TBCEL: variants seen among roughly 807,000 people sequenced by gnomAD.
TBCEL encodes tubulin-specific chaperone cofactor E-like protein.
Under a neutral mutation model 44.2 loss-of-function variants are expected in TBCEL, and 15 were observed. The observed-to-expected ratio is 0.34, with a 90% CI of 0.23 to 0.52. The LOEUF (loss-of-function observed/expected upper bound fraction) is 0.52, where lower values mean the gene tolerates loss of function less well. TBCEL is among the 20% of genes least tolerant of loss of function. TBCEL has a pLI of 0.95. For synonymous variants in TBCEL, 171 were observed against 185.4 expected, an observed-to-expected ratio of 0.92 and a Z score of 0.63; for missense variants, 319 against 506.3, an observed-to-expected ratio of 0.63 and a Z score of 3.55.
chr11:121,046,384 G>A (rs1245445141), intron 3 of TBCEL, among the ~76,000 whole-genome samples: 1 of 152,036 alleles, frequency 6.6e-6, no homozygotes, highest in Non-Finnish European at 1.5e-5. Context: ...AAGTGTGCAA[G>A]GTATATTTTT....
intron 4 of TBCEL, among the ~76,000 whole-genome samples, chr11:121,052,982 T>C (rs1173919016): frequency 6.6e-6 from 1 of 151,832 alleles, no homozygotes; most frequent in Admixed American, 6.6e-5. Context: ...TTTCGTTATA[T>C]AGTTACGGAT....
At chr11:121,079,860 G>T (rs148754201) in intron 8 of TBCEL, among the ~76,000 whole-genome samples, 1 of 152,230 alleles carries the variant, frequency 6.6e-6, no homozygotes, top group East Asian at 1.9e-4. Flanking sequence ...TGTCACCCAG[G>T]CTGGAGTGCA....
rs1215733983 is a variant in TBCEL, at chr11:121,089,644, AAAAG to A, written c.*2551_*2554del. ...CCAAAATTATTTTTATAACAGAACT[AAAAG>A]AAGGAGAGAAGAGGCCATGGACCTT... is the stretch of plus-strand genomic sequence containing the variant. On this transcript the variant is annotated 3_prime_UTR_variant, in exon 9 of 9. Transcript: ENST00000683345. 2.0e-5 allele frequency: 3 copies of A among 152,188 alleles called. No homozygotes were observed. The highest frequency in any genetic ancestry group is 4.4e-5 in the Non-Finnish European group (3 of 68,024). 9.4% of individuals were successfully genotyped at this position (152,188 alleles called of 1,614,324 possible). A position where few individuals can be genotyped will look rare whatever the true frequency, so the allele number is the denominator to read the frequency against.
Position 121,085,589 on chromosome 11 carries a change from C to T in TBCEL, c.957-1189C>T, listed in dbSNP as rs548059734. The stretch of plus-strand genomic sequence containing the variant: ...TAAAATGGAGTCAAGACCCTGAAGA[C>T]AGAGCCAGGGCTATTTTTACATATT... On this transcript the variant is annotated intron_variant, in intron 8 of 8. Transcript: ENST00000683345. Among the ~76,000 whole-genome samples, 15 of 152,332 alleles carry T rather than the reference C, an allele frequency of 9.8e-5. No homozygotes were observed. In the South Asian group the frequency reaches 2.9e-3, roughly 29 times the overall value.
At chr11:121,042,425 G>A (rs1444021524) in intron 2 of TBCEL, among the ~76,000 whole-genome samples, 3 of 152,186 alleles carry the variant, frequency 2.0e-5, no homozygotes, top group Admixed American at 6.5e-5. Flanking sequence ...CTGAAGTTCC[G>A]AAAGCCCTAG....
chr11:121,036,829 A>G (rs958010643), intron 2 of TBCEL, among the ~76,000 whole-genome samples: 2 of 152,346 alleles, frequency 1.3e-5, no homozygotes, highest in Middle Eastern at 3.4e-3. Context: ...AGTGCCTTAT[A>G]TGCAACGTAG....
chr11:121,053,246 G>A (rs1244611338), intron 4 of TBCEL, among the ~76,000 whole-genome samples: 1 of 151,868 alleles, frequency 6.6e-6, no homozygotes, highest in Non-Finnish European at 1.5e-5. Flanking sequence ...ACTTATCAAA[G>A]AGAACGTCAC....
chr11:121,059,177 T>C (rs1419509780), intron 7 of TBCEL, among the ~76,000 whole-genome samples: 2 of 152,006 alleles, frequency 1.3e-5, no homozygotes, highest in African/African-American at 4.8e-5. Context: ...AACAGGTTGT[T>C]GATCTTTGTG....
At chr11:121,033,554 G>A (rs1945179444) in intron 1 of TBCEL, among the ~76,000 whole-genome samples, 1 of 152,170 alleles carries the variant, frequency 6.6e-6, no homozygotes, top group Non-Finnish European at 1.5e-5. Flanking sequence ...GATAAGTGCT[G>A]AGAGTAGGAA....
At chr11:121,068,230 CT>C (rs1945857003) in intron 8 of TBCEL, among the ~76,000 whole-genome samples, 1 of 152,140 alleles carries the variant, frequency 6.6e-6, no homozygotes, top group African/African-American at 2.4e-5. Context: ...GATACCCTCC[CT>C]TTTCCCTTAC....
Position 121,035,899 on chromosome 11 carries a change from G to A in TBCEL, c.-125-606G>A, listed in dbSNP as rs374178213. The A allele has an allele frequency of 4.6e-5, 7 of 152,170 alleles. No individual in the cohort carries two copies. The East Asian group carries it at 7.7e-4, about 17-fold the overall frequency. 9.4% of individuals were successfully genotyped at this position (152,170 alleles called of 1,614,324 possible). On this transcript the variant is annotated intron_variant, in intron 1 of 8. Coordinates refer to ENST00000683345, the MANE Select transcript of TBCEL (RefSeq NM_001363644.2). Reference sequence around the variant, plus strand: ...AGTTTTTTGGTTCAGTTACTTTGATGTGGTTACAAGAGGAATTTTGGCTGT... The same window carrying A: ...AGTTTTTTGGTTCAGTTACTTTGATATGGTTACAAGAGGAATTTTGGCTGT...
intron 4 of TBCEL, among the ~76,000 whole-genome samples, chr11:121,052,535 G>C (rs182548201): frequency 1.3e-5 from 2 of 151,880 alleles, no homozygotes; most frequent in African/African-American, 4.8e-5. Flanking sequence ...TTTTCTTATA[G>C]CTTTTACTTA....
intron 3 of TBCEL, among the ~76,000 whole-genome samples, chr11:121,046,058 A>C (rs940162817): frequency 6.6e-6 from 1 of 152,108 alleles, no homozygotes; most frequent in Non-Finnish European, 1.5e-5. Flanking sequence ...GAGTGATAAT[A>C]TTTCAAATGC....
At chr11:121,024,513 C>T (rs1175573826) in intron 1 of TBCEL, among the ~76,000 whole-genome samples, 2 of 124,306 alleles carry the variant, frequency 1.6e-5, no homozygotes, top group East Asian at 2.8e-4. Flanking sequence ...TATGGCGGAG[C>T]TGGGAGGGTC....
At chr11:121,082,243 C>T (rs554996949) in intron 8 of TBCEL, among the ~76,000 whole-genome samples, 1 of 152,292 alleles carries the variant, frequency 6.6e-6, no homozygotes, top group East Asian at 1.9e-4. Flanking sequence ...TCTCACAAGG[C>T]CAAAATCAAT....
chr11:121,059,101 T>G (rs774238999), intron 7 of TBCEL, among the ~76,000 whole-genome samples: 1 of 151,950 alleles, frequency 6.6e-6, no homozygotes, highest in Admixed American at 6.6e-5. Flanking sequence ...CTTTGTATAC[T>G]ATACATAGCA....
At chr11:121,057,630 C>A (rs534715687) in intron 6 of TBCEL, 4 of 454,764 alleles carry the variant, frequency 8.8e-6, no homozygotes, top group East Asian at 1.4e-4. Flanking sequence ...TGTGTCTGCA[C>A]TGAACATGCA....
At chr11:121,077,577 G>A (rs1226696212) in intron 8 of TBCEL, among the ~76,000 whole-genome samples, 1 of 151,938 alleles carries the variant, frequency 6.6e-6, no homozygotes, top group East Asian at 1.9e-4. Context: ...CCAGCTTCGG[G>A]TGTTATGAGT....
At chr11:121,026,097 A>T (rs2134866211) in intron 1 of TBCEL, among the ~76,000 whole-genome samples, 1 of 152,332 alleles carries the variant, frequency 6.6e-6, no homozygotes, top group East Asian at 1.9e-4. Context: ...TTATTATGAT[A>T]TACTTTTTGC....
Sources: gnomAD v4.1 joint callset for allele counts (sites outside exome capture counted in the v4.1 genomes callset) on GRCh38, gnomAD v4.1.1 for gene constraint, MANE v1.5 for transcripts, NCBI Gene and HGNC (gene_info 2026-07-23, HGNC 2026-07-21) for gene names.